Variants in M1AP observed in about 807,000 individuals in gnomAD.
M1AP encodes meiosis 1 arrest protein.
Under a neutral mutation model 51.2 loss-of-function variants are expected in M1AP, and 39 were observed. That is an observed-to-expected ratio of 0.76 (90% CI 0.59 to 1.00). The LOEUF (loss-of-function observed/expected upper bound fraction) is 1.00. M1AP is among the 50% of genes least tolerant of loss of function. The pLI, the probability that M1AP is intolerant of heterozygous loss-of-function variation, is 0.00. For synonymous variants in M1AP, 251 were observed against 249.2 expected, an observed-to-expected ratio of 1.01 and a Z score of -0.07; for missense variants, 545 against 641.2, an observed-to-expected ratio of 0.85 and a Z score of 1.62.
intron 2 of M1AP, among the ~76,000 whole-genome samples, chr2:74,621,978 G>C (rs1462889098): frequency 1.3e-5 from 2 of 149,796 alleles, no homozygotes; most frequent in Non-Finnish European, 3.0e-5. Context: ...AAATGAGCCG[G>C]GTGTGGTGGT....
chr2:74,644,720 CT>C (rs2104861775), intron 1 of M1AP, among the ~76,000 whole-genome samples: 1 of 152,206 alleles, frequency 6.6e-6, no homozygotes, highest in East Asian at 1.9e-4. Flanking sequence ...ATATGCTAAT[CT>C]GTTGAAAGTC....
intron 4 of M1AP, among the ~76,000 whole-genome samples, chr2:74,584,717 G>A (rs922765482): frequency 1.3e-5 from 2 of 150,268 alleles, no homozygotes; most frequent in Non-Finnish European, 3.0e-5. Context: ...AACCAGAATG[G>A]TGAGGCCAAT....
intron 2 of M1AP, among the ~76,000 whole-genome samples, chr2:74,631,758 T>C (rs969802106): frequency 1.3e-5 from 2 of 152,176 alleles, no homozygotes; most frequent in African/African-American, 4.8e-5. Context: ...AACGGCACAA[T>C]GGATATAAAA....
chr2:74,637,761 G>A (rs1407348738), intron 2 of M1AP, among the ~76,000 whole-genome samples: 4 of 152,172 alleles, frequency 2.6e-5, no homozygotes, highest in African/African-American at 9.7e-5. Flanking sequence ...TATTCCAGTT[G>A]TGAGTATCAG....
At chr2:74,598,590 C>T (rs1422350448) in intron 4 of M1AP, among the ~76,000 whole-genome samples, 1 of 149,294 alleles carries the variant, frequency 6.7e-6, no homozygotes, top group Non-Finnish European at 1.5e-5. Flanking sequence ...TTCCACCAAA[C>T]ATTCCTTGTA....
intron 2 of M1AP, among the ~76,000 whole-genome samples, chr2:74,622,223 T>G (rs183667451): frequency 5.3e-5 from 8 of 152,230 alleles, no homozygotes; most frequent in African/African-American, 1.9e-4. Context: ...ATATTAAAAT[T>G]TGTTTTGCCT....
intron 1 of M1AP, among the ~76,000 whole-genome samples, chr2:74,646,206 C>T (rs193285026): frequency 6.6e-6 from 1 of 152,292 alleles, no homozygotes; most frequent in African/African-American, 2.4e-5. Context: ...TGTGTCGCCT[C>T]CTTGTCTCCT....
At chr2:74,561,204 G>A (rs1677961686) in intron 8 of M1AP, among the ~76,000 whole-genome samples, 1 of 140,704 alleles carries the variant, frequency 7.1e-6, no homozygotes, top group Admixed American at 6.9e-5. Context: ...AGGAGAAGGA[G>A]GAGGAGGAGG....
At position 74,558,852 on chromosome 2, in the gene M1AP, C is replaced by CT; in HGVS notation, c.1456_1457insA (p.Arg486GlnfsTer79). ...CAGGGGGGCCACAGTAGCTCGAGCT[C>CT]GGTTGGTCTGCAACTGCCCAGTCTG... On this transcript the variant is annotated frameshift_variant, in exon 11 of 11. Transcript: ENST00000421985. LOFTEE classifies it low-confidence loss of function (END_TRUNC). 1 of 1,599,664 alleles carries CT rather than the reference C, an allele frequency of 6.3e-7. No individual in the cohort carries two copies. The highest frequency in any genetic ancestry group is 8.5e-7 in the Non-Finnish European group (1 of 1,174,650).
intron 7 of M1AP, among the ~76,000 whole-genome samples, chr2:74,566,619 G>T (rs1162725187): frequency 6.6e-6 from 1 of 152,086 alleles, no homozygotes; most frequent in East Asian, 1.9e-4. Context: ...CTCACGCTAG[G>T]CTGCTGTTCT....
intron 1 of M1AP, among the ~76,000 whole-genome samples, chr2:74,644,270 T>G (rs1488947394): frequency 6.6e-6 from 1 of 152,236 alleles, no homozygotes; most frequent in Non-Finnish European, 1.5e-5. Context: ...CCGGGCGCAG[T>G]GGCTCACGCC....
In M1AP at chr2:74,613,587, G is replaced by C. The variant is rs565843935; in HGVS notation, c.426+1377C>G. Among the ~76,000 whole-genome samples, 150 of 152,224 alleles carry C rather than the reference G, an allele frequency of 9.9e-4. 2 individuals carry two copies. Among genetic ancestry groups the C allele is most frequent in the African/African-American group, 3.5e-3 (147 of 41,526 alleles). On this transcript the variant is annotated intron_variant, in intron 3 of 10. Coordinates refer to ENST00000421985, the MANE Select transcript of M1AP (RefSeq NM_001321739.2). ...TGAAGGATACAGCTGGCTGGAGTTT[G>C]GTATTTCCCTTCTTCCAGGTCATTT...
intron 2 of M1AP, among the ~76,000 whole-genome samples, chr2:74,639,064 T>G (rs1427102761): frequency 1.3e-5 from 2 of 152,146 alleles, no homozygotes; most frequent in African/African-American, 4.8e-5. Flanking sequence ...GTGACTTTTG[T>G]CAAGAAATAA....
At chr2:74,589,842 A>G (rs1331538803) in intron 4 of M1AP, among the ~76,000 whole-genome samples, 1 of 152,224 alleles carries the variant, frequency 6.6e-6, no homozygotes, top group Non-Finnish European at 1.5e-5. Flanking sequence ...TAAAGAACTA[A>G]TGGTTCACAA....
chr2:74,564,896 G>T (rs755954583), intron 7 of M1AP, among the ~76,000 whole-genome samples: 1 of 152,066 alleles, frequency 6.6e-6, no homozygotes, highest in Non-Finnish European at 1.5e-5. Flanking sequence ...ACATTGATTC[G>T]TGCATTTACT....
At chr2:74,648,087 C>T (rs908464071) in intron 1 of M1AP, 178 bp downstream of exon 1, 2 of 985,400 alleles carry the variant, frequency 2.0e-6, no homozygotes, top group African/African-American at 3.5e-5. Flanking sequence ...AGGGATGACT[C>T]CGACAGCGAT....
intron 2 of M1AP, among the ~76,000 whole-genome samples, chr2:74,631,011 A>T (rs772246823): frequency 3.6e-4 from 54 of 151,926 alleles, no homozygotes; most frequent in Non-Finnish European, 5.7e-4. Flanking sequence ...ATTGATCGTA[A>T]TTCTCTTTGT....
At chr2:74,564,198 T>G (rs918445936) in intron 7 of M1AP, among the ~76,000 whole-genome samples, 2 of 152,142 alleles carry the variant, frequency 1.3e-5, no homozygotes, top group Non-Finnish European at 2.9e-5. Flanking sequence ...AGAAAACACT[T>G]GCTGTAGCAT....
At chr2:74,609,266 G>GGA (rs1681194166) in intron 3 of M1AP, among the ~76,000 whole-genome samples, 1 of 152,042 alleles carries the variant, frequency 6.6e-6, no homozygotes, top group African/African-American at 2.4e-5. Context: ...ACTTCTATGA[G>GGA]ATCAACGTTT....
Sources: allele counts gnomAD v4.1 joint callset (sites outside exome capture counted in the v4.1 genomes callset), GRCh38; gene constraint gnomAD v4.1.1; transcripts MANE v1.5; gene names NCBI Gene and HGNC (gene_info 2026-07-23, HGNC 2026-07-21).